Variants in VEPH1 observed in about 807,000 individuals in gnomAD.
The protein encoded by VEPH1 is ventricular zone expressed PH domain containing 1, also known as ventricular zone-expressed PH domain-containing protein homolog 1.
VEPH1 carries 80 observed loss-of-function variants against 85.2 expected under a neutral mutation model. That is an observed-to-expected ratio of 0.94 (90% CI 0.78 to 1.13). The LOEUF (loss-of-function observed/expected upper bound fraction) is 1.13. VEPH1 is among the 50% of genes most tolerant of loss of function. VEPH1 has a pLI of 0.00. For synonymous variants in VEPH1, 297 were observed against 348.0 expected (o/e 0.85, Z 1.63); for missense variants, 955 against 980.5 (o/e 0.97, Z 0.35).
chr3:157,269,953 C>A (rs115386109), intron 12 of VEPH1, among the ~76,000 whole-genome samples: 1 of 152,034 alleles, frequency 6.6e-6, no homozygotes, highest in Admixed American at 6.5e-5. Flanking sequence ...TAAAGCACCA[C>A]AATTTGGCCA....
intron 11 of VEPH1, among the ~76,000 whole-genome samples, chr3:157,289,700 G>C (rs1393905341): frequency 2.0e-5 from 3 of 152,134 alleles, no homozygotes; most frequent in Admixed American, 1.3e-4. Flanking sequence ...CTTCCCTAGG[G>C]CTTGCCCAAG....
At chr3:157,452,401 T>C (rs78502579) in intron 4 of VEPH1, among the ~76,000 whole-genome samples, 3,439 of 152,274 alleles carry the variant, frequency 0.023, 142 homozygotes, top group African/African-American at 0.077. Context: ...CGAGGGTTTA[T>C]TAGGCCCAAG....
chr3:157,422,344 A>C (rs1732409101), intron 5 of VEPH1, among the ~76,000 whole-genome samples: 1 of 152,232 alleles, frequency 6.6e-6, no homozygotes, highest in Non-Finnish European at 1.5e-5. Context: ...CACTGTTCTT[A>C]AAAACCTCTC....
intron 4 of VEPH1, among the ~76,000 whole-genome samples, chr3:157,456,395 A>C (rs776157995): frequency 4.6e-5 from 7 of 151,848 alleles, no homozygotes; most frequent in Non-Finnish European, 7.4e-5. Flanking sequence ...CTCTTGTTGC[A>C]GTTGCCTTTG....
intron 6 of VEPH1, among the ~76,000 whole-genome samples, chr3:157,396,162 C>T (rs560680806): frequency 2.0e-4 from 31 of 152,298 alleles, no homozygotes; most frequent in Middle Eastern, 3.4e-3. Context: ...TCAGCTCCCA[C>T]TTTTAAGTGA....
chr3:157,423,178 A>G (rs1732480875), intron 5 of VEPH1, among the ~76,000 whole-genome samples: 1 of 152,326 alleles, frequency 6.6e-6, no homozygotes, highest in South Asian at 2.1e-4. Flanking sequence ...AGTGCATATG[A>G]ATATGTAGAT....
chr3:157,304,127 A>G (rs1719212366), intron 11 of VEPH1, among the ~76,000 whole-genome samples: 1 of 150,444 alleles, frequency 6.6e-6, no homozygotes. Flanking sequence ...TTAACACTTT[A>G]ACCCAAAACA....
At chr3:157,388,951 T>C (rs924618402) in intron 6 of VEPH1, among the ~76,000 whole-genome samples, 1 of 152,138 alleles carries the variant, frequency 6.6e-6, no homozygotes, top group Non-Finnish European at 1.5e-5. Context: ...GATGACCATA[T>C]ATAATATGTT....
intron 2 of VEPH1, among the ~76,000 whole-genome samples, chr3:157,476,852 T>G (rs552051452): frequency 6.6e-6 from 1 of 152,248 alleles, no homozygotes; most frequent in South Asian, 2.1e-4. Flanking sequence ...CTTGCCCAAT[T>G]TTGATGGTAA....
rs374249440 is a variant in VEPH1 at position 157,363,593 on chromosome 3, C to G, written c.1506G>C (p.Gln502His). Residue 502 changes from glutamine to histidine, a missense_variant, in exon 9 of 14, where the codon CAG becomes CAC. Gln to His is a conservative substitution (Grantham distance 24, BLOSUM62 0). Transcript: ENST00000362010. ...LPFKTDTERSQLGESSVSYPN... is the reference protein window; with the variant it reads ...LPFKTDTERSHLGESSVSYPN... ...GGTATGAAACTGAAGACTCCCCCAG[C>G]TGTGATCTCTCAGTGTCTGTCTTAA... is the stretch of plus-strand genomic sequence containing the variant. The G allele has an allele frequency of 1.4e-5, 22 of 1,614,020 alleles. No homozygotes were observed. In the African/African-American group the frequency reaches 2.8e-4, roughly 21 times the overall value.
intron 7 of VEPH1, among the ~76,000 whole-genome samples, chr3:157,379,625 A>G (rs1389833859): frequency 6.6e-6 from 1 of 152,140 alleles, no homozygotes; most frequent in African/African-American, 2.4e-5. Flanking sequence ...CCAAATGACT[A>G]AATGCTCACT....
At chr3:157,281,713 T>G (rs1716151088) in intron 12 of VEPH1, among the ~76,000 whole-genome samples, 1 of 152,030 alleles carries the variant, frequency 6.6e-6, no homozygotes, top group Non-Finnish European at 1.5e-5. Flanking sequence ...AATTTTTGTA[T>G]TTTTAGTAGA....
At chr3:157,498,119 C>T (rs1350630672) in intron 1 of VEPH1, among the ~76,000 whole-genome samples, 1 of 152,128 alleles carries the variant, frequency 6.6e-6, no homozygotes. Context: ...TTGAGAAGCA[C>T]CTTTAGGATA....
In VEPH1 at chr3:157,304,038, T is replaced by TATACACAC; in HGVS notation, c.2010+9582_2010+9583insGTGTGTAT. 8.1e-4 allele frequency among the ~76,000 whole-genome samples: 78 copies of TATACACAC among 96,504 alleles called. 1 individual carries two copies. The highest frequency in any genetic ancestry group is 3.8e-3 in the East Asian group (10 of 2,662). 63.3% of individuals were successfully genotyped at this position (96,504 alleles called of 152,430 possible). Reference sequence around the variant, plus strand: ...CTTATATTTTTTATATATATATATATACACACATACTGTTACATCTTATAT... The same window carrying TATACACAC: ...CTTATATTTTTTATATATATATATATATACACACACACACATACTGTTACATCTTATAT... On this transcript the variant is annotated intron_variant, in intron 11 of 13. Transcript: ENST00000362010.
At chr3:157,479,710 G>C (rs1737838737) in intron 2 of VEPH1, among the ~76,000 whole-genome samples, 1 of 152,170 alleles carries the variant, frequency 6.6e-6, no homozygotes, top group South Asian at 2.1e-4. Context: ...GCTCGGCTCT[G>C]CTTTTACCAG....
At chr3:157,438,665 G>A (rs1733874481) in intron 4 of VEPH1, among the ~76,000 whole-genome samples, 1 of 152,148 alleles carries the variant, frequency 6.6e-6, no homozygotes, top group South Asian at 2.1e-4. Flanking sequence ...AAGCAGGAGA[G>A]AGACTGTTCA....
intron 11 of VEPH1, among the ~76,000 whole-genome samples, chr3:157,300,148 T>C (rs1464489982): frequency 6.6e-6 from 1 of 152,102 alleles, no homozygotes; most frequent in East Asian, 1.9e-4. Flanking sequence ...TAGTGCCTGG[T>C]GTTTGTTGGC....
intron 2 of VEPH1, among the ~76,000 whole-genome samples, chr3:157,480,578 C>A (rs1466527554): frequency 6.6e-6 from 1 of 152,074 alleles, no homozygotes; most frequent in Non-Finnish European, 1.5e-5. Context: ...TGCTTTAGTT[C>A]ACTTAGGATA....
At chr3:157,301,676 C>T (rs889141502) in intron 11 of VEPH1, among the ~76,000 whole-genome samples, 2 of 152,176 alleles carry the variant, frequency 1.3e-5, no homozygotes, top group African/African-American at 2.4e-5. Flanking sequence ...TATCCAGTCC[C>T]ATACAATTCC....
Sources: gnomAD v4.1 joint callset for allele counts (sites outside exome capture counted in the v4.1 genomes callset) on GRCh38, gnomAD v4.1.1 for gene constraint, MANE v1.5 for transcripts, NCBI Gene and HGNC (gene_info 2026-07-23, HGNC 2026-07-21) for gene names.